The following KIRREL1 variants were observed in gnomAD, a reference collection of about 807,000 sequenced individuals.
KIRREL1 encodes kirre like nephrin family adhesion molecule 1, also known as kin of IRRE-like protein 1.
In KIRREL1, 25 loss-of-function variants were observed where a neutral mutation model predicts 83.3. The ratio of observed to expected loss-of-function variants is 0.30; its 90% CI spans 0.22 to 0.42. The LOEUF (loss-of-function observed/expected upper bound fraction) is 0.42, where lower values mean the gene tolerates loss of function less well. Among genes scored for constraint, KIRREL1 ranks in the 10% least tolerant of loss-of-function variants. The pLI, the probability that KIRREL1 is intolerant of heterozygous loss-of-function variation, is 1.00. For missense variants in KIRREL1, 812 were observed against 1,032.3 expected (o/e 0.79, Z 2.92); for synonymous variants, 388 against 410.4 (o/e 0.95, Z 0.66).
intron 1 of KIRREL1, among the ~76,000 whole-genome samples, chr1:158,053,195 G>C (rs1013245035): frequency 2.0e-5 from 3 of 152,114 alleles, no homozygotes; most frequent in Admixed American, 2.0e-4. Flanking sequence ...TCACCTCTAC[G>C]TTCCTTGAGA....
At chr1:158,016,570 G>A (rs776458122) in intron 1 of KIRREL1, among the ~76,000 whole-genome samples, 8 of 152,118 alleles carry the variant, frequency 5.3e-5, no homozygotes, top group Non-Finnish European at 8.8e-5. Flanking sequence ...GCATCATGGT[G>A]ATAATAATGA....
chr1:158,036,836 G>A (rs1334217147), intron 1 of KIRREL1, among the ~76,000 whole-genome samples: 3 of 152,190 alleles, frequency 2.0e-5, no homozygotes, highest in Non-Finnish European at 2.9e-5. Flanking sequence ...AAGCTGTCTG[G>A]AGAAGAAAGA....
intron 1 of KIRREL1, among the ~76,000 whole-genome samples, chr1:158,000,897 T>G (rs1224957623): frequency 2.0e-5 from 3 of 152,204 alleles, no homozygotes; most frequent in Non-Finnish European, 1.5e-5. Flanking sequence ...CAAATTCCAT[T>G]AGTTTCCCAG....
intron 1 of KIRREL1, among the ~76,000 whole-genome samples, chr1:158,040,676 G>A (rs1359983897): frequency 6.6e-6 from 1 of 152,208 alleles, no homozygotes; most frequent in Non-Finnish European, 1.5e-5. Flanking sequence ...GGTGAAAATG[G>A]AGGGGAAAAA....
chr1:158,092,694 G>A (rs1662239788), intron 11 of KIRREL1, among the ~76,000 whole-genome samples: 1 of 152,102 alleles, frequency 6.6e-6, no homozygotes, highest in Admixed American at 6.5e-5. Flanking sequence ...GTTGGGGGTG[G>A]GGAAGAATGG....
intron 1 of KIRREL1, among the ~76,000 whole-genome samples, chr1:157,996,575 C>T (rs891286864): frequency 6.6e-6 from 1 of 152,094 alleles, no homozygotes; most frequent in Non-Finnish European, 1.5e-5. Context: ...GCCCGAGGGC[C>T]TCCTAAATTC....
At chr1:158,081,854 G>C (rs967533893) in intron 3 of KIRREL1, among the ~76,000 whole-genome samples, 1 of 152,178 alleles carries the variant, frequency 6.6e-6, no homozygotes, top group African/African-American at 2.4e-5. Flanking sequence ...CATTCCCAGG[G>C]TAGAGGAAGC....
intron 3 of KIRREL1, among the ~76,000 whole-genome samples, chr1:158,079,630 G>C (rs1661786537): frequency 6.6e-6 from 1 of 152,272 alleles, no homozygotes; most frequent in South Asian, 2.1e-4. Context: ...CTGTTGTTTT[G>C]TTTTTTGTTT....
At chr1:158,017,756 T>C (rs1659873651) in intron 1 of KIRREL1, among the ~76,000 whole-genome samples, 1 of 12,218 alleles carries the variant, frequency 8.2e-5, no homozygotes, top group Non-Finnish European at 1.2e-3. Flanking sequence ...TTTTTCTATT[T>C]TTCTGTTTTT....
intron 4 of KIRREL1, among the ~76,000 whole-genome samples, chr1:158,086,125 C>T (rs1235962273): frequency 6.6e-6 from 1 of 152,136 alleles, no homozygotes; most frequent in Non-Finnish European, 1.5e-5. Flanking sequence ...TTGTAACAGA[C>T]TTATCACTCT....
intron 1 of KIRREL1, among the ~76,000 whole-genome samples, chr1:158,036,686 G>A (rs1660484696): frequency 6.6e-6 from 1 of 152,168 alleles, no homozygotes; most frequent in African/African-American, 2.4e-5. Flanking sequence ...TGCAGTCTCG[G>A]TCAGCTCACT....
chr1:158,086,548 G>A (rs1247375984), intron 4 of KIRREL1, 48 bp from the exon 5 acceptor site: 2 of 1,541,200 alleles, frequency 1.3e-6, no homozygotes, highest in East Asian at 2.5e-5. Flanking sequence ...AAGAGCAGAG[G>A]AGGGGGCTTT....
At position 158,093,685 on chromosome 1, in the gene KIRREL1, C is replaced by T; in HGVS notation, c.1642C>T (p.Leu548Phe). The change falls in exon 13 of 15, where the codon CTT becomes TTT. Residue 548 changes from leucine (L) to phenylalanine (F), a missense_variant. Leu to Phe is a conservative substitution (Grantham distance 22, BLOSUM62 0). Around this residue, in one of 3 missense-constraint regions of KIRREL1, gnomAD observed 334 missense variants for 383.7 expected, o/e 0.87. Coordinates refer to ENST00000359209, the MANE Select transcript of KIRREL1 (RefSeq NM_018240.7). Reference protein sequence around the residue: ...IKVETVNREPLTMHSDREDDT... With the variant: ...IKVETVNREPFTMHSDREDDT... The stretch of plus-strand genomic sequence containing the variant: ...GGTGGAGACAGTGAACCGAGAGCCA[C>T]TTACGATGCATTCTGACCGGGAGGA... 1 of 1,614,208 alleles carries T rather than the reference C, an allele frequency of 6.2e-7. No individual in the cohort carries two copies. The highest frequency in any genetic ancestry group is 8.5e-7 in the Non-Finnish European group (1 of 1,180,044).
intron 10 of KIRREL1, among the ~76,000 whole-genome samples, chr1:158,090,255 C>T (rs1166217208): frequency 2.0e-5 from 3 of 151,970 alleles, no homozygotes; most frequent in African/African-American, 4.8e-5. Context: ...TCCCTGTCTC[C>T]TCCTCTGGCT....
At chr1:158,037,920 G>T (rs1277045350) in intron 1 of KIRREL1, among the ~76,000 whole-genome samples, 5 of 152,222 alleles carry the variant, frequency 3.3e-5, no homozygotes, top group Non-Finnish European at 7.3e-5. Context: ...CAGGGTGCCT[G>T]GCTGATGGAC....
intron 1 of KIRREL1, among the ~76,000 whole-genome samples, chr1:158,064,803 G>A (rs1344759016): frequency 1.3e-5 from 2 of 151,970 alleles, no homozygotes; most frequent in African/African-American, 2.4e-5. Context: ...GAGGGTTGAT[G>A]TCTACAGCAT....
chr1:158,059,289 C>T (rs985773203), intron 1 of KIRREL1, among the ~76,000 whole-genome samples: 1 of 152,094 alleles, frequency 6.6e-6, no homozygotes, highest in Non-Finnish European at 1.5e-5. Flanking sequence ...TCCCTTTTTC[C>T]GGAGCCTCAC....
At chr1:158,026,426 C>T (rs1218584000) in intron 1 of KIRREL1, among the ~76,000 whole-genome samples, 1 of 152,130 alleles carries the variant, frequency 6.6e-6, no homozygotes, top group Non-Finnish European at 1.5e-5. Flanking sequence ...CCACTGTTAA[C>T]CTAATGAGAA....
chr1:158,088,217 G>C (rs1195468437), intron 7 of KIRREL1, 63 bp downstream of exon 7: 1 of 1,612,516 alleles, frequency 6.2e-7, no homozygotes, highest in East Asian at 2.2e-5. Flanking sequence ...GCCTTGGACA[G>C]AGTCGGGGAC....
Sources: gnomAD v4.1 joint callset for allele counts (sites outside exome capture counted in the v4.1 genomes callset) on GRCh38, gnomAD v4.1.1 for gene constraint, gnomAD v4.1.1 regional missense constraint, MANE v1.5 for transcripts, NCBI Gene and HGNC (gene_info 2026-07-23, HGNC 2026-07-21) for gene names.